The following PIWIL3 variants were observed in gnomAD, a reference collection of about 807,000 sequenced individuals.
The protein encoded by PIWIL3 is piwi-like protein 3.
PIWIL3 carries 101 observed loss-of-function variants against 109.7 expected under a neutral mutation model. The observed-to-expected ratio is 0.92, with a 90% CI of 0.78 to 1.09. The LOEUF is 1.09. Among genes scored for constraint, PIWIL3 ranks in the 50% least tolerant of loss-of-function variants. PIWIL3 has a pLI of 0.00. For missense variants in PIWIL3, 1,031 were observed against 1,072.6 expected (o/e 0.96, Z 0.54); for synonymous variants, 373 against 376.4 (o/e 0.99, Z 0.10).
chr22:24,752,059 T>C (rs1924743771), intron 8 of PIWIL3, among the ~76,000 whole-genome samples: 1 of 151,806 alleles, frequency 6.6e-6, no homozygotes, highest in Admixed American at 6.6e-5. Flanking sequence ...TTAATAAATA[T>C]GTTCTCATTT....
At chr22:24,764,204 GGCCACGATGA>G (rs1210687503) in intron 1 of PIWIL3, among the ~76,000 whole-genome samples, 9 of 152,238 alleles carry the variant, frequency 5.9e-5, no homozygotes, top group African/African-American at 2.2e-4. Context: ...GGCCGAAAGA[GGCCACGATGA>G]GCTGCACGTG....
At chr22:24,744,177 T>TGAAA (rs751591202) in intron 12 of PIWIL3, among the ~76,000 whole-genome samples, 2 of 35,840 alleles carry the variant, frequency 5.6e-5, no homozygotes, top group African/African-American at 2.4e-4. Flanking sequence ...AGTGACCGAA[T>TGAAA]TAAAAAAAAA....
At chr22:24,732,605 C>T (rs772501189) in intron 14 of PIWIL3, among the ~76,000 whole-genome samples, 5 of 152,070 alleles carry the variant, frequency 3.3e-5, no homozygotes, top group Non-Finnish European at 7.3e-5. Context: ...AGGTGGATCA[C>T]GAGGTCAGGA....
rs943171853 is a variant in PIWIL3 at position 24,748,973 on chromosome 22, A to G, written c.1383T>C (p.Asp461=). ...ELLQLWDLKF[D]TNFLSVPGRV... ...TTCCCGGGACGGACAAAAAATTGGT[A>G]TCAAATTTCAAATCCCAGAGTTGAA... Residue 461 remains aspartate (D), a synonymous_variant, in exon 12 of 21, where the codon GAT becomes GAC. Transcript: ENST00000616349. 1.2e-6 allele frequency: 2 copies of G among 1,613,650 alleles called. No homozygotes were observed. The highest frequency in any genetic ancestry group is 1.7e-6 in the Non-Finnish European group (2 of 1,179,914).
chr22:24,720,259 GTT>G (rs56087060), intron 19 of PIWIL3, among the ~76,000 whole-genome samples: 11,161 of 104,298 alleles, frequency 0.11, 980 homozygotes, highest in East Asian at 0.41. Flanking sequence ...TATTTAAACT[GTT>G]TTTTTTTTTT....
chr22:24,758,113 A>C (rs1415142696), intron 3 of PIWIL3, 74 bp from the exon 4 acceptor site: 1 of 1,489,758 alleles, frequency 6.7e-7, no homozygotes, highest in Non-Finnish European at 9.0e-7. Flanking sequence ...AACACCCAGC[A>C]TAAGTTTGTT....
At chr22:24,723,283 A>G (rs1456390856) in intron 18 of PIWIL3, 28 bp from the exon 19 acceptor site, 4 of 1,595,276 alleles carry the variant, frequency 2.5e-6, no homozygotes, top group Non-Finnish European at 3.4e-6. Context: ...AAGTGTCACT[A>G]TGTTTACTCA....
chr22:24,751,577 A>G, intron 8 of PIWIL3, 79 bp from the exon 9 acceptor site: 2 of 1,551,872 alleles, frequency 1.3e-6, no homozygotes, highest in Middle Eastern at 1.8e-4. Context: ...GACATTTTTA[A>G]TCCTGCAAGG....
At chr22:24,729,989 T>C (rs1001928411) in intron 14 of PIWIL3, among the ~76,000 whole-genome samples, 15 of 152,000 alleles carry the variant, frequency 9.9e-5, no homozygotes, top group Non-Finnish European at 1.5e-4. Flanking sequence ...TAAATTTTGA[T>C]ATTTTGAAAA....
At position 24,735,850 on chromosome 22, in the gene PIWIL3, C is replaced by G; in HGVS notation, c.1492G>C (p.Glu498Gln). 6.2e-7 allele frequency: 1 copy of G among 1,611,062 alleles called. No homozygotes were observed. Among genetic ancestry groups the G allele is most frequent in the Non-Finnish European group, 8.5e-7 (1 of 1,179,122 alleles). The part of the protein sequence containing the change: ...SQGDWSREIR[E>Q]LPLLNAMPLH... ...GGCATTGCATTAAGTAAGGGTAATTCTCTTATTTCTCTTGACCAGTCTCCT... is the reference window on the plus strand; with the variant it reads ...GGCATTGCATTAAGTAAGGGTAATTGTCTTATTTCTCTTGACCAGTCTCCT... The change falls in exon 13 of 21, where the codon GAA becomes CAA. Residue 498 changes from glutamate to glutamine, a missense_variant. Glu to Gln is a conservative substitution (Grantham distance 29). Coordinates refer to ENST00000616349, the MANE Select transcript of PIWIL3 (RefSeq NM_001255975.1).
intron 1 of PIWIL3, among the ~76,000 whole-genome samples, chr22:24,768,524 T>C (rs1925935281): frequency 6.6e-6 from 1 of 152,198 alleles, no homozygotes; most frequent in Non-Finnish European, 1.5e-5. Flanking sequence ...AATGCTGGGA[T>C]TACAGGCGTG....
At chr22:24,744,207 A>AAAAAAAAAC (rs1569103685) in intron 12 of PIWIL3, among the ~76,000 whole-genome samples, 4 of 135,034 alleles carry the variant, frequency 3.0e-5, no homozygotes, top group African/African-American at 5.4e-5. Context: ...AAAAAAAAAA[A>AAAAAAAAAC]CAATGATCTG....
rs899940358 is a variant in PIWIL3, at chr22:24,771,399, A to G, written c.-23+2923T>C. ...AGGCTGAGGCAGGAGAATGGCGTGA[A>G]CCTGGGAGGAGGAGCTTTTGTGAGC... is the stretch of plus-strand genomic sequence containing the variant. On this transcript the variant is annotated intron_variant, in intron 1 of 20. Transcript: ENST00000616349. 2.4e-4 allele frequency among the ~76,000 whole-genome samples: 36 copies of G among 150,790 alleles called. 1 individual carries two copies. The highest frequency in any genetic ancestry group is 2.1e-3 in the Admixed American group (31 of 15,072).
chr22:24,754,107 T>A lies in PIWIL3; in HGVS notation c.884A>T (p.Tyr295Phe), dbSNP rs370821842. 1.1e-5 allele frequency: 18 copies of A among 1,613,386 alleles called. No homozygotes were observed. The African/African-American group carries it at 2.3e-4, about 20-fold the overall frequency. ...GGCAGATGTTCTCTTTATGAAATCATAAGCAGTTTCTATTCGGAGCAGTTT... is the reference window on the plus strand; with the variant it reads ...GGCAGATGTTCTCTTTATGAAATCAAAAGCAGTTTCTATTCGGAGCAGTTT... ...SHKLLRIETA[Y>F]DFIKRTSAQA... The change falls in exon 8 of 21, where the codon TAT becomes TTT. Residue 295 changes from tyrosine to phenylalanine, a missense_variant. Transcript: ENST00000616349.
rs751206042 is a variant in PIWIL3 at position 24,725,429 on chromosome 22, G to A, written c.2080+16C>T. 14 of 1,612,646 alleles carry A rather than the reference G, an allele frequency of 8.7e-6. No individual in the cohort carries two copies. Among genetic ancestry groups the A allele is most frequent in the Admixed American group, 5.0e-5 (3 of 59,988 alleles). On this transcript the variant is annotated intron_variant, in intron 17 of 20. Transcript: ENST00000616349. ...TTGTATAGTGTCGGGTTCCCCGACC[G>A]CTACAAGACACTGACCTTTCAAGCA...
intron 12 of PIWIL3, among the ~76,000 whole-genome samples, chr22:24,746,478 C>A (rs927290283): frequency 6.7e-6 from 1 of 148,240 alleles, no homozygotes; most frequent in Non-Finnish European, 1.5e-5. Flanking sequence ...AAACTGAAAG[C>A]CTTTTCTCCA....
chr22:24,749,843 C>CA (rs1345046271), intron 9 of PIWIL3, 24 bp from the exon 10 acceptor site: 1 of 1,613,886 alleles, frequency 6.2e-7, no homozygotes, highest in African/African-American at 1.3e-5. Flanking sequence ...AAGAGACCAG[C>CA]ATGACCATCA....
chr22:24,770,967 G>A (rs545057280), intron 1 of PIWIL3, among the ~76,000 whole-genome samples: 1 of 152,178 alleles, frequency 6.6e-6, no homozygotes, highest in Non-Finnish European at 1.5e-5. Flanking sequence ...AGCCAGACAT[G>A]ATGGCACCCA....
At chr22:24,737,126 T>G (rs1923701640) in intron 12 of PIWIL3, among the ~76,000 whole-genome samples, 1 of 152,182 alleles carries the variant, frequency 6.6e-6, no homozygotes, top group Non-Finnish European at 1.5e-5. Context: ...AGAGAGTGCT[T>G]GCATCATCCC....
Sources: allele counts gnomAD v4.1 joint callset (sites outside exome capture counted in the v4.1 genomes callset), GRCh38; gene constraint gnomAD v4.1.1; transcripts MANE v1.5; gene names NCBI Gene and HGNC (gene_info 2026-07-23, HGNC 2026-07-21).